POLI: variants seen among roughly 807,000 people sequenced by gnomAD.
POLI encodes DNA polymerase iota, also known as RAD30 homolog B.
POLI carries 58 observed loss-of-function variants against 51.6 expected under a neutral mutation model. The ratio of observed to expected loss-of-function variants is 1.12; its 90% CI spans 0.91 to 1.40. The LOEUF (loss-of-function observed/expected upper bound fraction) is 1.40, where lower values mean the gene tolerates loss of function less well. Among genes scored for constraint, POLI ranks in the 40% most tolerant of loss-of-function variants. POLI has a pLI of 0.00. For missense variants in POLI, 921 were observed against 871.3 expected (o/e 1.06, Z -0.72); for synonymous variants, 322 against 299.7 (o/e 1.07, Z -0.77).
Position 54,269,622 on chromosome 18 carries a change from A to G in POLI, c.76A>G (p.Met26Val), listed in dbSNP as rs1331088015. ...CGAGGAAGACGCCGAGGCCTGGGCCATGGAACTGGCGGACGTGGGGGCGGC... is the reference window on the plus strand; with the variant it reads ...CGAGGAAGACGCCGAGGCCTGGGCCGTGGAACTGGCGGACGTGGGGGCGGC... Reference protein sequence around the residue: ...DDEEDAEAWAMELADVGAAAS... With the variant: ...DDEEDAEAWAVELADVGAAAS... Residue 26 changes from methionine (M) to valine (V), a missense_variant, in exon 1 of 10, where the codon ATG (methionine) becomes GTG (valine). Met to Val is a conservative substitution (Grantham distance 21). Transcript: ENST00000579534. 4.6e-6 allele frequency: 7 copies of G among 1,510,012 alleles called. No individual in the cohort carries two copies. The highest frequency in any genetic ancestry group is 1.9e-4 in the Middle Eastern group (1 of 5,376). 93.5% of individuals were successfully genotyped at this position (1,510,012 alleles called of 1,614,324 possible). A position where few individuals can be genotyped will look rare whatever the true frequency, so the allele number is the denominator to read the frequency against.
chr18:54,291,974 G>T lies in POLI; in HGVS notation c.1340G>T (p.Gly447Val). ...NLKALNTAKK[G>V]LIDYYLMPSL... ...AAAGCACTAAATACTGCTAAGAAAG[G>T]GCTTATTGATTATTATTTAATGCCA... The change falls in exon 9 of 10, where the codon GGG (glycine) becomes GTG (valine). Residue 447 changes from glycine to valine, a missense_variant. By Grantham distance (109) the Gly-to-Val change is moderately radical. Coordinates refer to ENST00000579534, the MANE Select transcript of POLI (RefSeq NM_007195.3). The T allele has an allele frequency of 6.2e-7, 1 of 1,611,328 alleles. No individual in the cohort carries two copies.
chr18:54,298,374 C>T (rs2088430132), downstream of POLI: 1 of 152,188 alleles, frequency 6.6e-6, no homozygotes. Context: ...ACACCCTAAT[C>T]ATGGTTGTTT....
At chr18:54,308,013 C>A (rs548839694) in intron 3 of POLI, among the ~76,000 whole-genome samples, 2 of 151,936 alleles carry the variant, frequency 1.3e-5, no homozygotes, top group African/African-American at 4.8e-5. Flanking sequence ...TACAGCACAC[C>A]AATGGGTCTT....
intron 8 of POLI, among the ~76,000 whole-genome samples, chr18:54,289,198 GTT>G (rs370999857): frequency 7.5e-6 from 1 of 132,708 alleles, no homozygotes; most frequent in Admixed American, 7.5e-5. Context: ...CTGCTCAAGT[GTT>G]TTTTTTTTTT....
At chr18:54,312,126 C>A (rs1488049386) in intron 3 of POLI, among the ~76,000 whole-genome samples, 1 of 152,056 alleles carries the variant, frequency 6.6e-6, no homozygotes, top group South Asian at 2.1e-4. Context: ...TATATTCCCC[C>A]CCAGCGTCTG....
At chr18:54,283,618 C>T (rs887279453) in intron 6 of POLI, 1 of 171,138 alleles carries the variant, frequency 5.8e-6, no homozygotes, top group African/African-American at 2.4e-5. Flanking sequence ...GAACTCTTGC[C>T]ATAATCATAC....
At chr18:54,275,102 C>A (rs1456228364) in intron 3 of POLI, 1 of 152,178 alleles carries the variant, frequency 6.6e-6, no homozygotes, top group African/African-American at 2.4e-5. Flanking sequence ...AGAACACTTA[C>A]TGAGTTTAAA....
chr18:54,316,892 G>A (rs1185375204), intron 3 of POLI, among the ~76,000 whole-genome samples: 1 of 152,200 alleles, frequency 6.6e-6, no homozygotes, highest in Non-Finnish European at 1.5e-5. Flanking sequence ...CTGTAAGGAA[G>A]TTGATTGAGG....
At chr18:54,310,637 C>A (rs1023196160) in intron 3 of POLI, among the ~76,000 whole-genome samples, 1 of 151,876 alleles carries the variant, frequency 6.6e-6, no homozygotes, top group Non-Finnish European at 1.5e-5. Context: ...GGGTGTCCGC[C>A]CTTTCTTTTC....
rs781193036 is a variant in POLI, at chr18:54,277,770, A to G, written c.474A>G (p.Thr158=). 7 of 1,612,100 alleles carry G rather than the reference A, an allele frequency of 4.3e-6. No individual in the cohort carries two copies. The African/African-American group carries it at 5.3e-5, about 12-fold the overall frequency. ...TTGATGAAAATTTTGTGGATCTAAC[A>G]GAAATGGTTGAGAAGAGACTACAGC... ...LGFDENFVDL[T]EMVEKRLQQL... is the part of the protein sequence containing the mutation. Residue 158 remains threonine, a synonymous_variant, in exon 4 of 10, where the codon ACA becomes ACG. Transcript: ENST00000579534.
At chr18:54,310,938 A>AT (rs980121725) in intron 3 of POLI, among the ~76,000 whole-genome samples, 1 of 152,162 alleles carries the variant, frequency 6.6e-6, no homozygotes, top group Non-Finnish European at 1.5e-5. Context: ...ATTAAAAAAA[A>AT]GTAGAGATGG....
At chr18:54,284,641 C>G (rs910490917) in intron 7 of POLI, 1 of 152,154 alleles carries the variant, frequency 6.6e-6, no homozygotes, top group Non-Finnish European at 1.5e-5. Flanking sequence ...GCAGAAGAAC[C>G]CTTGTATCTC....
Position 54,287,274 on chromosome 18 carries a change from T to G in POLI, c.1068-7T>G. 5 of 1,542,266 alleles carry G rather than the reference T, an allele frequency of 3.2e-6. No individual in the cohort carries two copies. The highest frequency in any genetic ancestry group is 4.4e-6 in the Non-Finnish European group (5 of 1,132,936). ...ATTCCTTATTTCCACTTTCTCTTTATTTTTAGAGTATGCCAAGATGGAAGG... is the reference window on the plus strand; with the variant it reads ...ATTCCTTATTTCCACTTTCTCTTTAGTTTTAGAGTATGCCAAGATGGAAGG... On this transcript the variant is annotated splice_polypyrimidine_tract_variant and splice_region_variant and intron_variant, in intron 7 of 9. Transcript: ENST00000579534.
Position 54,277,785 on chromosome 18 carries a change from G to A in POLI, c.489G>A (p.Lys163=). 1 of 1,612,802 alleles carries A rather than the reference G, an allele frequency of 6.2e-7. No individual in the cohort carries two copies. Among genetic ancestry groups the A allele is most frequent in the Admixed American group, 1.7e-5 (1 of 59,918 alleles). ...TGGATCTAACAGAAATGGTTGAGAA[G>A]AGACTACAGCAGCTGCAAAGTGATG... ...NFVDLTEMVE[K]RLQQLQSDEL... is the part of the protein sequence containing the mutation. The change falls in exon 4 of 10, where the codon AAG becomes AAA. Residue 163 remains lysine (K), a synonymous_variant. Coordinates refer to ENST00000579534, the MANE Select transcript of POLI (RefSeq NM_007195.3).
intron 3 of POLI, among the ~76,000 whole-genome samples, chr18:54,307,251 A>G (rs1456930533): frequency 6.6e-6 from 1 of 152,186 alleles, no homozygotes; most frequent in African/African-American, 2.4e-5. Flanking sequence ...CCCTCTATAG[A>G]CACACTGCTT....
chr18:54,271,109 A>G, intron 1 of POLI: 1 of 303,478 alleles, frequency 3.3e-6, no homozygotes, highest in South Asian at 8.3e-5. Flanking sequence ...TATTTATCAC[A>G]TTTTTTCCCT....
intron 3 of POLI, among the ~76,000 whole-genome samples, chr18:54,307,503 A>C (rs1302299591): frequency 1.3e-5 from 2 of 152,204 alleles, no homozygotes; most frequent in African/African-American, 4.8e-5. Flanking sequence ...TTTACCTCCA[A>C]CTATGTGGTC....
chr18:54,280,781 C>T lies in POLI; in HGVS notation c.674C>T (p.Ala225Val), dbSNP rs2087462920. ...GGGCTCACTGGCTGTGCTGGAGTGG[C>T]TTCTAATAAACTGTTGGCAAAATTA... is the stretch of plus-strand genomic sequence containing the variant. ...QLGLTGCAGV[A>V]SNKLLAKLVS... The change falls in exon 5 of 10, where the codon GCT (alanine) becomes GTT (valine). Residue 225 changes from alanine to valine, a missense_variant. By Grantham distance (64) the Ala-to-Val change is moderately conservative. Coordinates refer to ENST00000579534, the MANE Select transcript of POLI (RefSeq NM_007195.3). The T allele has an allele frequency of 1.9e-6, 3 of 1,613,432 alleles. No homozygotes were observed. Among genetic ancestry groups the T allele is most frequent in the Non-Finnish European group, 1.7e-6 (2 of 1,179,600 alleles).
chr18:54,277,565 T>C lies in POLI; in HGVS notation c.407-138T>C, dbSNP rs1181746624. The C allele has an allele frequency of 5.5e-6, 3 of 546,080 alleles. No homozygotes were observed. The African/African-American group carries it at 5.7e-5, about 10-fold the overall frequency. The allele number at this position is 546,080 out of a possible 1,614,324, so 33.8% of individuals were successfully genotyped here. A position where few individuals can be genotyped will look rare whatever the true frequency, so the allele number is the denominator to read the frequency against. ...AAAAACGTCAATTAACTGAGGGCTT[T>C]ATTAAAGATATTATGGAACTATGAA... On this transcript the variant is annotated intron_variant, in intron 3 of 9. Transcript: ENST00000579534.
Sources: gnomAD v4.1 joint callset for allele counts (sites outside exome capture counted in the v4.1 genomes callset) on GRCh38, gnomAD v4.1.1 for gene constraint, MANE v1.5 for transcripts, NCBI Gene and HGNC (gene_info 2026-07-23, HGNC 2026-07-21) for gene names.